Variants in SLC9C1 observed in about 807,000 individuals in gnomAD.
SLC9C1 encodes the protein sodium/hydrogen exchanger 10.
SLC9C1 carries 97 observed loss-of-function variants against 140.9 expected under a neutral mutation model. That is an observed-to-expected ratio of 0.69 (90% CI 0.58 to 0.82). The LOEUF is 0.82. Ranked by LOEUF, SLC9C1 falls within the 40% of genes least tolerant of loss-of-function variation. The probability of loss-of-function intolerance (pLI) is 0.00; values close to 1 mark genes in which losing one functional copy is unlikely to be tolerated. For synonymous variants in SLC9C1, 440 were observed against 442.6 expected (o/e 0.99, Z 0.07); for missense variants, 1,340 against 1,389.3 (o/e 0.96, Z 0.56).
At chr3:112,236,944 G>T (rs547356468) in intron 12 of SLC9C1, among the ~76,000 whole-genome samples, 1 of 152,330 alleles carries the variant, frequency 6.6e-6, no homozygotes, top group Non-Finnish European at 1.5e-5. Context: ...ATATTCTGTT[G>T]GTTTGGGGTG....
In SLC9C1 at chr3:112,278,806, G is replaced by A. The variant is rs749177716; in HGVS notation, c.241C>T (p.Arg81Cys). The change falls in exon 4 of 29, where the codon CGT (arginine) becomes TGT (cysteine). Residue 81 changes from arginine (R) to cysteine (C), a missense_variant. Physicochemically the swap from Arg to Cys is radical, Grantham distance 180. Coordinates refer to ENST00000305815, the MANE Select transcript of SLC9C1 (RefSeq NM_183061.3). ...AAGAAAACTACTGGTGTAAATATAC[G>A]AAAAAATAAGTCTGGACTCATCCAT... The part of the protein sequence containing the change: ...IQWMSPDLFF[R>C]IFTPVVFFTT... 29 of 1,610,508 alleles carry A rather than the reference G, an allele frequency of 1.8e-5. No homozygotes were observed. Among genetic ancestry groups the A allele is most frequent in the African/African-American group, 6.7e-5 (5 of 74,678 alleles).
chr3:112,233,172 G>A (rs1485498630), intron 12 of SLC9C1, among the ~76,000 whole-genome samples: 1 of 151,326 alleles, frequency 6.6e-6, no homozygotes, highest in Admixed American at 6.6e-5. Flanking sequence ...AGGCTTGAGT[G>A]ATCTTCCTAC....
intron 1 of SLC9C1, among the ~76,000 whole-genome samples, chr3:112,288,410 A>C (rs2080581875): frequency 6.6e-6 from 1 of 152,170 alleles, no homozygotes; most frequent in Non-Finnish European, 1.5e-5. Context: ...ACCAGCATCA[A>C]AAGCCTTATA....
chr3:112,208,976 T>A (rs1370688283), intron 15 of SLC9C1, among the ~76,000 whole-genome samples: 1 of 152,180 alleles, frequency 6.6e-6, no homozygotes, highest in Admixed American at 6.6e-5. Flanking sequence ...ATGTATATGC[T>A]TTGAAAAATA....
intron 12 of SLC9C1, among the ~76,000 whole-genome samples, chr3:112,231,948 A>G (rs1457770833): frequency 6.6e-6 from 1 of 152,170 alleles, no homozygotes; most frequent in East Asian, 1.9e-4. Context: ...AAAGCTTGAC[A>G]ACCACTGCTT....
chr3:112,267,589 AAAAAAAAAGAG>A (rs1251114040), intron 7 of SLC9C1, among the ~76,000 whole-genome samples: 1 of 150,048 alleles, frequency 6.7e-6, no homozygotes, highest in East Asian at 1.9e-4. Context: ...AAAAAAAAAA[AAAAAAAAAGAG>A]AGAGAGAGAG....
At chr3:112,207,741 C>T (rs1214001465) in intron 16 of SLC9C1, among the ~76,000 whole-genome samples, 1 of 152,126 alleles carries the variant, frequency 6.6e-6, no homozygotes, top group Admixed American at 6.6e-5. Context: ...CCCTTGAATA[C>T]CTTCCTTCTC....
At chr3:112,175,254 T>C (rs2077314394) in intron 23 of SLC9C1, among the ~76,000 whole-genome samples, 1 of 152,222 alleles carries the variant, frequency 6.6e-6, no homozygotes, top group East Asian at 1.9e-4. Context: ...TCGGACTTTC[T>C]AGTGCCTGAA....
chr3:112,154,101 T>TGA (rs1409733469), intron 27 of SLC9C1, among the ~76,000 whole-genome samples: 1 of 6,888 alleles, frequency 1.5e-4, no homozygotes, highest in African/African-American at 1.6e-4. Flanking sequence ...GTGTCTGTTC[T>TGA]CAGGTTTATG....
At chr3:112,231,523 G>A in intron 12 of SLC9C1, 37 bp from the exon 13 acceptor site, 1 of 1,550,616 alleles carries the variant, frequency 6.4e-7, no homozygotes, top group Non-Finnish European at 8.7e-7. Flanking sequence ...AAAAATACAT[G>A]AATATTAACA....
chr3:112,283,882 C>T (rs943502077), intron 2 of SLC9C1, among the ~76,000 whole-genome samples: 2 of 148,948 alleles, frequency 1.3e-5, no homozygotes, highest in African/African-American at 2.5e-5. Flanking sequence ...TGATCGGTCG[C>T]CTATTACATT....
In SLC9C1 at chr3:112,233,072, A is replaced by T. The variant is rs917802177; in HGVS notation, c.1447-1586T>A. On this transcript the variant is annotated intron_variant, in intron 12 of 28. Coordinates refer to ENST00000305815, the MANE Select transcript of SLC9C1 (RefSeq NM_183061.3). Reference sequence around the variant, plus strand: ...ACACATATATATATATATATATTATATTTTTTTTTTTTTTAAGAAAGGGTA... The same window carrying T: ...ACACATATATATATATATATATTATTTTTTTTTTTTTTTTAAGAAAGGGTA... Among the ~76,000 whole-genome samples the T allele has an allele frequency of 5.6e-4, 47 of 83,738 alleles. 1 individual carries two copies. In the East Asian group the frequency reaches 0.016, roughly 28 times the overall value. The allele number at this position is 83,738 out of a possible 152,430, so 54.9% of individuals were successfully genotyped here.
At chr3:112,226,140 G>A (rs933197430) in intron 13 of SLC9C1, among the ~76,000 whole-genome samples, 8 of 152,042 alleles carry the variant, frequency 5.3e-5, no homozygotes, top group Non-Finnish European at 7.4e-5. Flanking sequence ...CATATGGTAG[G>A]CCACAAAACA....
At chr3:112,153,186 A>G (rs2075032920) in intron 27 of SLC9C1, among the ~76,000 whole-genome samples, 1 of 152,150 alleles carries the variant, frequency 6.6e-6, no homozygotes, top group Admixed American at 6.5e-5. Context: ...AATAGCTAAC[A>G]TTCCTGTCAT....
intron 15 of SLC9C1, among the ~76,000 whole-genome samples, chr3:112,211,480 A>T (rs1049720389): frequency 1.2e-4 from 19 of 152,168 alleles, no homozygotes; most frequent in South Asian, 4.1e-4. Context: ...TGACAGATGA[A>T]ATCTGGAAAA....
Position 112,269,981 on chromosome 3 carries a change from A to G in SLC9C1, c.710T>C (p.Val237Ala). ...TATATGATTGACATCATCACCAAAA[A>G]CAGTTGACATCCAAAATTGAATCAG... ...SKLIQFWMST[V>A]FGDDVNHISL... is the part of the protein sequence containing the mutation. Residue 237 changes from valine to alanine, a missense_variant, in exon 7 of 29, where the codon GTT (valine) becomes GCT (alanine). Physicochemically the swap from Val to Ala is moderately conservative, Grantham distance 64. Coordinates refer to ENST00000305815, the MANE Select transcript of SLC9C1 (RefSeq NM_183061.3). 1 of 1,601,990 alleles carries G rather than the reference A, an allele frequency of 6.2e-7. No individual in the cohort carries two copies. The highest frequency in any genetic ancestry group is 8.5e-7 in the Non-Finnish European group (1 of 1,175,032).
At chr3:112,240,063 T>A in intron 11 of SLC9C1, 57 bp from the exon 12 acceptor site, 1 of 1,465,368 alleles carries the variant, frequency 6.8e-7, no homozygotes, top group Non-Finnish European at 9.2e-7. Flanking sequence ...TTGATATGGG[T>A]TAGAAAGCTT....
At chr3:112,185,378 G>A (rs1159349685) in intron 20 of SLC9C1, 1 of 743,760 alleles carries the variant, frequency 1.3e-6, no homozygotes, top group South Asian at 1.9e-5. Flanking sequence ...CCAGGTCATC[G>A]GCCTGCGATG....
intron 2 of SLC9C1, among the ~76,000 whole-genome samples, chr3:112,281,330 G>A (rs772234242): frequency 4.6e-5 from 7 of 152,126 alleles, no homozygotes; most frequent in African/African-American, 1.4e-4. Flanking sequence ...GACCAAAATC[G>A]AGGTGAATCT....
Sources: gnomAD v4.1 joint callset for allele counts (sites outside exome capture counted in the v4.1 genomes callset) on GRCh38, gnomAD v4.1.1 for gene constraint, MANE v1.5 for transcripts, NCBI Gene and HGNC (gene_info 2026-07-23, HGNC 2026-07-21) for gene names.